CALN1: variants seen among roughly 807,000 people sequenced by gnomAD.
CALN1 encodes calcium-binding protein 8.
In CALN1, 17 loss-of-function variants were observed where a neutral mutation model predicts 30.6. That is an observed-to-expected ratio of 0.56 (90% CI 0.38 to 0.83). CALN1 has a LOEUF of 0.83. Among genes scored for constraint, CALN1 ranks in the 40% least tolerant of loss-of-function variants. The pLI is 0.00. For synonymous variants in CALN1, 156 were observed against 131.4 expected (o/e 1.19, Z -1.28); for missense variants, 291 against 354.9 (o/e 0.82, Z 1.45).
intron 2 of CALN1, among the ~76,000 whole-genome samples, chr7:72,382,976 T>C (rs571316221): frequency 3.2e-4 from 48 of 152,108 alleles, no homozygotes; most frequent in Non-Finnish European, 5.1e-4. Context: ...TTTCTAGAGA[T>C]GGGGTTTCAC....
chr7:71,834,416 T>C (rs1789489777), intron 5 of CALN1, among the ~76,000 whole-genome samples: 1 of 113,290 alleles, frequency 8.8e-6, no homozygotes, highest in Non-Finnish European at 1.8e-5. Flanking sequence ...GAGTGAAGAG[T>C]AGAAAAGAAA....
intron 5 of CALN1, among the ~76,000 whole-genome samples, chr7:71,900,047 T>C (rs1188756353): frequency 6.6e-6 from 1 of 152,218 alleles, no homozygotes; most frequent in African/African-American, 2.4e-5. Flanking sequence ...TTGTCTACTT[T>C]AAATTTTTTA....
intron 5 of CALN1, among the ~76,000 whole-genome samples, chr7:71,929,473 C>G (rs1795438509): frequency 1.3e-5 from 2 of 152,166 alleles, no homozygotes; most frequent in African/African-American, 4.8e-5. Context: ...GATCTCATTC[C>G]TTTTTATGGT....
At chr7:71,818,772 C>T (rs1030471453) in intron 5 of CALN1, among the ~76,000 whole-genome samples, 5 of 151,692 alleles carry the variant, frequency 3.3e-5, no homozygotes, top group Admixed American at 1.3e-4. Flanking sequence ...TGCAGTGGTG[C>T]GGTCTCAGCT....
chr7:71,790,971 G>T (rs1793350132), intron 6 of CALN1, among the ~76,000 whole-genome samples: 1 of 152,106 alleles, frequency 6.6e-6, no homozygotes, highest in African/African-American at 2.4e-5. Context: ...AAAAGGTCAA[G>T]GTTGTGTTCA....
intron 2 of CALN1, among the ~76,000 whole-genome samples, chr7:72,313,882 G>A (rs2129556629): frequency 6.6e-6 from 1 of 152,242 alleles, no homozygotes; most frequent in East Asian, 1.9e-4. Flanking sequence ...GATTTCAAAG[G>A]AGATGTGGAA....
chr7:71,814,440 TC>T (rs1788142572), intron 5 of CALN1, among the ~76,000 whole-genome samples: 1 of 152,110 alleles, frequency 6.6e-6, no homozygotes. Context: ...TTGGGAAGTC[TC>T]CCCTGGGGAG....
At chr7:72,397,200 C>G (rs1806019554) in intron 2 of CALN1, among the ~76,000 whole-genome samples, 1 of 152,192 alleles carries the variant, frequency 6.6e-6, no homozygotes, top group Admixed American at 6.5e-5. Flanking sequence ...CATAAGCCAT[C>G]ATACTCAACC....
Position 72,351,938 on chromosome 7 carries a change from A to G in CALN1, c.119+51313T>C, listed in dbSNP as rs139128602. Reference sequence around the variant, plus strand: ...CTTTTCAAGTGCCTTTTGAATGTTCATAAAAGATAGACTCTGTATCTTGTG... The same window carrying G: ...CTTTTCAAGTGCCTTTTGAATGTTCGTAAAAGATAGACTCTGTATCTTGTG... On this transcript the variant is annotated intron_variant, in intron 2 of 6. Coordinates refer to ENST00000395275, the MANE Select transcript of CALN1 (RefSeq NM_031468.4). Among the ~76,000 whole-genome samples the G allele has an allele frequency of 2.6e-5, 4 of 152,280 alleles. No individual in the cohort carries two copies. The East Asian group carries it at 7.7e-4, about 29-fold the overall frequency.
At chr7:72,109,797 A>G (rs545712219) in intron 3 of CALN1, among the ~76,000 whole-genome samples, 1 of 152,324 alleles carries the variant, frequency 6.6e-6, no homozygotes, top group South Asian at 2.1e-4. Flanking sequence ...GAGTCAGCCC[A>G]TGAGGCAGCC....
intron 2 of CALN1, among the ~76,000 whole-genome samples, chr7:72,327,151 C>CT: frequency 6.6e-6 from 1 of 152,142 alleles, no homozygotes; most frequent in Non-Finnish European, 1.5e-5. Flanking sequence ...TCAACTTGGG[C>CT]TTTATGTGAA....
chr7:72,154,965 G>A (rs1358053037), intron 3 of CALN1, among the ~76,000 whole-genome samples: 10 of 152,040 alleles, frequency 6.6e-5, no homozygotes, highest in Admixed American at 6.6e-4. Context: ...GCTGAGGTGG[G>A]AGGATTGCTT....
intron 5 of CALN1, among the ~76,000 whole-genome samples, chr7:71,932,543 G>A (rs568667761): frequency 1.3e-5 from 2 of 152,080 alleles, no homozygotes; most frequent in Non-Finnish European, 2.9e-5. Context: ...GCCGGGCAGG[G>A]TGGCTCACGC....
rs1344329496 is a variant in CALN1, at chr7:72,266,249, TAGA to T, written c.244+12434_244+12436del. Among the ~76,000 whole-genome samples, 12 of 152,322 alleles carry T rather than the reference TAGA, an allele frequency of 7.9e-5. No individual in the cohort carries two copies. The East Asian group carries it at 1.9e-3, about 25-fold the overall frequency. ...CACCATCATGATAGCTTACTATTAC[TAGA>T]AGAAGTATGTTTTGAAAAAGTCCAC... On this transcript the variant is annotated intron_variant, in intron 3 of 6. Transcript: ENST00000395275.
intron 4 of CALN1, among the ~76,000 whole-genome samples, chr7:72,051,407 T>C (rs921464290): frequency 2.6e-5 from 4 of 152,108 alleles, no homozygotes; most frequent in Non-Finnish European, 4.4e-5. Context: ...ATTACAGATT[T>C]AAGAAAATGC....
chr7:72,035,365 G>T (rs1801733204), intron 4 of CALN1, among the ~76,000 whole-genome samples: 1 of 147,522 alleles, frequency 6.8e-6, no homozygotes, highest in Non-Finnish European at 1.5e-5. Context: ...GTAGAATCAT[G>T]TCCTTTTTGT....
At chr7:72,300,138 C>T (rs566481668) in intron 2 of CALN1, among the ~76,000 whole-genome samples, 1 of 152,086 alleles carries the variant, frequency 6.6e-6, no homozygotes, top group East Asian at 1.9e-4. Context: ...CCTCGTCCTC[C>T]CAAAGTGCTG....
chr7:72,241,650 G>A (rs976024027), intron 3 of CALN1, among the ~76,000 whole-genome samples: 2 of 151,906 alleles, frequency 1.3e-5, no homozygotes, highest in Non-Finnish European at 2.9e-5. Context: ...AGGTTGCAGT[G>A]AGCCAAGATC....
At chr7:72,042,714 C>A (rs571019525) in intron 4 of CALN1, among the ~76,000 whole-genome samples, 3 of 152,248 alleles carry the variant, frequency 2.0e-5, no homozygotes, top group Admixed American at 2.0e-4. Context: ...CCAGCCTGGG[C>A]ACCAGAGTGA....
Sources: gnomAD v4.1 joint callset for allele counts (sites outside exome capture counted in the v4.1 genomes callset) on GRCh38, gnomAD v4.1.1 for gene constraint, MANE v1.5 for transcripts, NCBI Gene and HGNC (gene_info 2026-07-23, HGNC 2026-07-21) for gene names.